The following TPM3 variants were observed in gnomAD, a reference collection of about 807,000 sequenced individuals.
TPM3 encodes tropomyosin alpha-3 chain.
In TPM3, 16 loss-of-function variants were observed where a neutral mutation model predicts 43.1. The observed-to-expected ratio is 0.37, with a 90% CI of 0.25 to 0.56. The LOEUF is 0.56. Among genes scored for constraint, TPM3 ranks in the 20% least tolerant of loss-of-function variants. The probability of loss-of-function intolerance (pLI) is 0.77; values close to 1 mark genes in which losing one functional copy is unlikely to be tolerated. For missense variants in TPM3, 176 were observed against 337.2 expected (o/e 0.52, Z 3.74); for synonymous variants, 101 against 116.9 (o/e 0.86, Z 0.88).
chr1:154,157,418 G>T, downstream of TPM3: 1 of 645,380 alleles, frequency 1.5e-6, no homozygotes, highest in Admixed American at 2.5e-5. Flanking sequence ...TCCCTTAAAT[G>T]TTGTTTCCAA....
At chr1:154,183,186 T>G in intron 2 of TPM3, 9 of 1,593,584 alleles carry the variant, frequency 5.6e-6, no homozygotes, top group Non-Finnish European at 7.6e-6. Flanking sequence ...CAGCCTCCTC[T>G]CACCCTTACT....
At position 154,168,818 on chromosome 1, in the gene TPM3, G is replaced by A. The variant is rs149777634; in HGVS notation, c.854+487C>T. On this transcript the variant is annotated intron_variant, in intron 9 of 9. Coordinates refer to ENST00000651641, the MANE Select transcript of TPM3 (RefSeq NM_152263.4). Reference sequence around the variant, plus strand: ...TGGGATCACAGGTGTGAGCCACTACGCCCAGCCTTTAATGTTTTTCTTTTT... The same window carrying A: ...TGGGATCACAGGTGTGAGCCACTACACCCAGCCTTTAATGTTTTTCTTTTT... 6.9e-3 allele frequency among the ~76,000 whole-genome samples: 1,041 copies of A among 150,938 alleles called. 16 individuals carry two copies. The highest frequency in any genetic ancestry group is 0.024 in the Middle Eastern group (7 of 286).
chr1:154,155,477 G>C (rs982313333), downstream of TPM3: 1 of 237,932 alleles, frequency 4.2e-6, no homozygotes, highest in Non-Finnish European at 8.3e-6. Flanking sequence ...TAAACAGCTC[G>C]ACTTTGTCAA....
chr1:154,170,264 A>C, intron 8 of TPM3, 136 bp downstream of exon 8: 1 of 932,506 alleles, frequency 1.1e-6, no homozygotes, highest in East Asian at 2.5e-5. Flanking sequence ...TAGCTGTGGC[A>C]TAGGACAGTG....
chr1:154,156,830 C>T (rs973033759), downstream of TPM3: 1 of 197,038 alleles, frequency 5.1e-6, no homozygotes, highest in African/African-American at 2.3e-5. Flanking sequence ...GGCAAAAACA[C>T]AGTCTTCTTT....
chr1:154,177,079 G>A (rs1479348463), intron 2 of TPM3, among the ~76,000 whole-genome samples: 1 of 151,482 alleles, frequency 6.6e-6, no homozygotes, highest in Non-Finnish European at 1.5e-5. Context: ...CACATCAGAA[G>A]AATAACTAGC....
intron 3 of TPM3, among the ~76,000 whole-genome samples, chr1:154,173,934 C>G (rs1419786163): frequency 6.6e-6 from 1 of 151,548 alleles, no homozygotes; most frequent in East Asian, 1.9e-4. Flanking sequence ...AAGCCAAGAT[C>G]GCACTGCTGC....
Position 154,163,817 on chromosome 1 carries a change from TAG to T in TPM3, c.*4118_*4119del, listed in dbSNP as rs1660652809. 6.6e-6 allele frequency among the ~76,000 whole-genome samples: 1 copy of T among 152,100 alleles called. No homozygotes were observed. The highest frequency in any genetic ancestry group is 6.6e-5 in the Admixed American group (1 of 15,254). ...CCCAGCTAATTTTTTGTATTTTTAG[TAG>T]AGACGGGGTTTCAACGTGTCAGCCA... On this transcript the variant is annotated 3_prime_UTR_variant, in exon 10 of 10. Coordinates refer to ENST00000651641, the MANE Select transcript of TPM3 (RefSeq NM_152263.4).
rs771978710 is a variant in TPM3 at position 154,167,924 on chromosome 1, G to T, written c.*13C>A. On this transcript the variant is annotated 3_prime_UTR_variant, in exon 10 of 10. Coordinates refer to ENST00000651641, the MANE Select transcript of TPM3 (RefSeq NM_152263.4). ...AAGGGGGCAGATCCAGAACAGAGCA[G>T]AAACGGTGATAATTATCTGTATGAA... The T allele has an allele frequency of 6.2e-7, 1 of 1,614,048 alleles. No individual in the cohort carries two copies. Among genetic ancestry groups the T allele is most frequent in the South Asian group, 1.1e-5 (1 of 91,086 alleles).
chr1:154,166,677 G>A lies in TPM3; in HGVS notation c.*1260C>T. 4.9e-6 allele frequency: 5 copies of A among 1,016,936 alleles called. No homozygotes were observed. Among genetic ancestry groups the A allele is most frequent in the Non-Finnish European group, 5.9e-6 (5 of 852,894 alleles). 63.0% of individuals were successfully genotyped at this position (1,016,936 alleles called of 1,614,324 possible). On this transcript the variant is annotated 3_prime_UTR_variant, in exon 10 of 10. Coordinates refer to ENST00000651641, the MANE Select transcript of TPM3 (RefSeq NM_152263.4). ...TAAGAAATCTCTGCTGTGTAAATTG[G>A]AATGCGAATTCCTTTTTTTTTTTTG...
At chr1:154,157,730 G>A, downstream of TPM3, 1 of 780,772 alleles carries the variant, frequency 1.3e-6, no homozygotes, top group South Asian at 1.3e-5. Context: ...ATCTAATGGG[G>A]GTAAAGGAGA....
chr1:154,168,017 G>C (rs1248341516), intron 9 of TPM3, 77 bp from the exon 10 acceptor site: 14 of 1,594,690 alleles, frequency 8.8e-6, no homozygotes, highest in Non-Finnish European at 1.2e-5. Flanking sequence ...AAAAGGAAGA[G>C]GAAAAAAAGG....
rs1273350203 is a variant in TPM3 at position 154,166,050 on chromosome 1, A to G, written c.*1887T>C. Among the ~76,000 whole-genome samples, 2 of 152,182 alleles carry G rather than the reference A, an allele frequency of 1.3e-5. No individual in the cohort carries two copies. The highest frequency in any genetic ancestry group is 1.5e-5 in the Non-Finnish European group (1 of 68,034). On this transcript the variant is annotated 3_prime_UTR_variant, in exon 10 of 10. Coordinates refer to ENST00000651641, the MANE Select transcript of TPM3 (RefSeq NM_152263.4). ...CATCTTTATTTCTGTCTCCATCTTAATATCCTATACCTAGAAGATACCAGG... is the reference window on the plus strand; with the variant it reads ...CATCTTTATTTCTGTCTCCATCTTAGTATCCTATACCTAGAAGATACCAGG...
At chr1:154,186,446 A>G (rs1663413214) in intron 2 of TPM3, among the ~76,000 whole-genome samples, 1 of 151,604 alleles carries the variant, frequency 6.6e-6, no homozygotes, top group Non-Finnish European at 1.5e-5. Flanking sequence ...TAGAAGCACA[A>G]TGGATAGACA....
intron 2 of TPM3, chr1:154,178,306 C>A: frequency 2.0e-6 from 1 of 488,870 alleles, no homozygotes; most frequent in Non-Finnish European, 2.7e-6. Flanking sequence ...GAATTCTTAG[C>A]AAGGCTGAAA....
In TPM3 at chr1:154,167,785, G is replaced by A; in HGVS notation, c.*152C>T. 6.4e-7 allele frequency: 1 copy of A among 1,558,846 alleles called. No individual in the cohort carries two copies. The highest frequency in any genetic ancestry group is 8.7e-7 in the Non-Finnish European group (1 of 1,150,702). On this transcript the variant is annotated 3_prime_UTR_variant, in exon 10 of 10. Coordinates refer to ENST00000651641, the MANE Select transcript of TPM3 (RefSeq NM_152263.4). ...AACATTTTAATTTGGGGTGGGGGTG[G>A]AAGAAAATACATAAGTTGCTTTTTG...
chr1:154,158,676 A>G (rs922703540), downstream of TPM3: 2 of 450,870 alleles, frequency 4.4e-6, no homozygotes, highest in African/African-American at 3.9e-5. Context: ...GTCAGTGCCC[A>G]AGTGAAAGAG....
chr1:154,160,405 G>C (rs1258473503), downstream of TPM3, among the ~76,000 whole-genome samples: 1 of 152,228 alleles, frequency 6.6e-6, no homozygotes, highest in South Asian at 2.1e-4. Flanking sequence ...CTAGAGACCA[G>C]TATGGTCCCA....
rs1259890229 is a variant in TPM3 at position 154,166,817 on chromosome 1, G to A, written c.*1120C>T. On this transcript the variant is annotated 3_prime_UTR_variant, in exon 10 of 10. Transcript: ENST00000651641. Reference sequence around the variant, plus strand: ...CTGCCTCAGCCTCCCGAGTAGCTGGGATTACAGGCACCCACCCACCATGCC... The same window carrying A: ...CTGCCTCAGCCTCCCGAGTAGCTGGAATTACAGGCACCCACCCACCATGCC... 1 of 452,306 alleles carries A rather than the reference G, an allele frequency of 2.2e-6. No homozygotes were observed. Among genetic ancestry groups the A allele is most frequent in the Non-Finnish European group, 2.9e-6 (1 of 342,816 alleles). The allele number at this position is 452,306 out of a possible 1,614,324, so 28.0% of individuals were successfully genotyped here.
Sources: gnomAD v4.1 joint callset for allele counts (sites outside exome capture counted in the v4.1 genomes callset) on GRCh38, gnomAD v4.1.1 for gene constraint, MANE v1.5 for transcripts, NCBI Gene and HGNC (gene_info 2026-07-23, HGNC 2026-07-21) for gene names.